The following SLC23A2 variants were observed in gnomAD, a reference collection of about 807,000 sequenced individuals.
SLC23A2 encodes the protein Na(+)/L-ascorbic acid transporter 2.
In SLC23A2, 36 loss-of-function variants were observed where a neutral mutation model predicts 73.3. The ratio of observed to expected loss-of-function variants is 0.49; its 90% CI spans 0.38 to 0.65. The LOEUF is 0.65. Among genes scored for constraint, SLC23A2 ranks in the 30% least tolerant of loss-of-function variants. SLC23A2 has a pLI of 0.00. For missense variants in SLC23A2, 507 were observed against 841.6 expected (o/e 0.60, Z 4.92); for synonymous variants, 343 against 327.3 (o/e 1.05, Z -0.52).
At chr20:5,001,743 C>T (rs1288195580), upstream of SLC23A2, among the ~76,000 whole-genome samples, 3 of 151,838 alleles carry the variant, frequency 2.0e-5, no homozygotes, top group Admixed American at 1.3e-4. Flanking sequence ...CCCCCCTTCG[C>T]GACCCTTCCC....
intron 2 of SLC23A2, among the ~76,000 whole-genome samples, chr20:4,956,182 A>C (rs1333581151): frequency 1.3e-5 from 2 of 152,214 alleles, no homozygotes; most frequent in African/African-American, 4.8e-5. Context: ...TAAAATCTAA[A>C]ATGTGTTTTT....
intron 1 of SLC23A2, among the ~76,000 whole-genome samples, chr20:4,987,448 CA>C (rs1182776435): frequency 6.6e-6 from 1 of 152,078 alleles, no homozygotes; most frequent in East Asian, 1.9e-4. Context: ...TTCAAATCAG[CA>C]GGGAAACAAA....
chr20:4,864,704 G>T (rs899037935), intron 13 of SLC23A2, among the ~76,000 whole-genome samples: 3 of 152,210 alleles, frequency 2.0e-5, no homozygotes, highest in African/African-American at 4.8e-5. Context: ...CTGCTATGCT[G>T]TTCTGCTGTT....
intron 1 of SLC23A2, among the ~76,000 whole-genome samples, chr20:4,977,918 T>C (rs1226777433): frequency 4.6e-5 from 7 of 152,048 alleles, no homozygotes; most frequent in Non-Finnish European, 5.9e-5. Context: ...GCTCAATGCC[T>C]AAGTTGTACT....
chr20:4,874,140 T>C, intron 10 of SLC23A2, 48 bp from the exon 11 acceptor site: 4 of 1,579,460 alleles, frequency 2.5e-6, no homozygotes, highest in Non-Finnish European at 3.4e-6. Flanking sequence ...GGCTCACAGG[T>C]GTTGGCAAAA....
chr20:4,875,914 C>G (rs981962888), intron 9 of SLC23A2, among the ~76,000 whole-genome samples: 1 of 152,182 alleles, frequency 6.6e-6, no homozygotes, highest in Non-Finnish European at 1.5e-5. Context: ...GACAGCCGGT[C>G]AAGTGTGACT....
intron 4 of SLC23A2, among the ~76,000 whole-genome samples, chr20:4,903,970 A>G (rs183999041): frequency 6.6e-6 from 1 of 152,202 alleles, no homozygotes; most frequent in East Asian, 1.9e-4. Context: ...GTGGGGGATA[A>G]CCTGAGCTCT....
At chr20:4,875,623 C>A (rs892996420) in intron 9 of SLC23A2, among the ~76,000 whole-genome samples, 1 of 152,194 alleles carries the variant, frequency 6.6e-6, no homozygotes, top group Non-Finnish European at 1.5e-5. Context: ...GACCCCTCCA[C>A]GGCAGGACCA....
chr20:4,900,024 C>A (rs1178226740), intron 5 of SLC23A2, among the ~76,000 whole-genome samples: 1 of 152,206 alleles, frequency 6.6e-6, no homozygotes, highest in Non-Finnish European at 1.5e-5. Flanking sequence ...GGGCGCACCA[C>A]CACGCCCAGC....
intron 3 of SLC23A2, among the ~76,000 whole-genome samples, chr20:4,929,177 G>T (rs1344261571): frequency 6.6e-6 from 1 of 151,546 alleles, no homozygotes; most frequent in Non-Finnish European, 1.5e-5. Context: ...GAGGTGGGAG[G>T]ATCACCTGAG....
chr20:4,958,827 TCATC>T (rs1337318568), intron 2 of SLC23A2, among the ~76,000 whole-genome samples: 1 of 152,166 alleles, frequency 6.6e-6, no homozygotes, highest in Admixed American at 6.5e-5. Context: ...GAAAAAAAGA[TCATC>T]CAAGAGCAAG....
chr20:4,873,966 C>T lies in SLC23A2; in HGVS notation c.1072G>A (p.Val358Ile). The part of the protein sequence containing the change: ...RTDARQGVLL[V>I]APWFKVPYPF... ...TATGGAACCTTAAACCACGGGGCTACCAGAAGCACGCCTTGCCTGGCATCT... is the reference window on the plus strand; with the variant it reads ...TATGGAACCTTAAACCACGGGGCTATCAGAAGCACGCCTTGCCTGGCATCT... The change falls in exon 11 of 17, where the codon GTA (valine) becomes ATA (isoleucine). Residue 358 changes from valine to isoleucine, a missense_variant. By Grantham distance (29) the Val-to-Ile change is conservative. Coordinates refer to ENST00000338244, the MANE Select transcript of SLC23A2 (RefSeq NM_005116.6). 1 of 1,614,094 alleles carries T rather than the reference C, an allele frequency of 6.2e-7. No individual in the cohort carries two copies. The highest frequency in any genetic ancestry group is 1.3e-5 in the African/African-American group (1 of 75,030).
At chr20:5,005,095 C>T (rs183181611), upstream of SLC23A2, among the ~76,000 whole-genome samples, 36 of 151,076 alleles carry the variant, frequency 2.4e-4, no homozygotes, top group African/African-American at 8.7e-4. Flanking sequence ...CATTCAAGGC[C>T]CTTAATCTCT....
At chr20:4,910,162 C>T (rs1932090281) in intron 4 of SLC23A2, among the ~76,000 whole-genome samples, 1 of 152,046 alleles carries the variant, frequency 6.6e-6, no homozygotes. Flanking sequence ...CACCTGAGGT[C>T]AGGAGTTTGA....
At chr20:4,887,091 A>G (rs796483822) in intron 6 of SLC23A2, among the ~76,000 whole-genome samples, 7 of 152,310 alleles carry the variant, frequency 4.6e-5, no homozygotes, top group African/African-American at 1.7e-4. Context: ...CCAGAGTAGG[A>G]AGGGTGCTGG....
rs780135308 is a variant in SLC23A2, at chr20:4,874,004, A to G, written c.1034T>C (p.Phe345Ser). 4 of 1,614,168 alleles carry G rather than the reference A, an allele frequency of 2.5e-6. No individual in the cohort carries two copies. Among genetic ancestry groups the G allele is most frequent in the Non-Finnish European group, 2.5e-6 (3 of 1,180,014 alleles). The change falls in exon 11 of 17, where the codon TTC becomes TCC. Residue 345 changes from phenylalanine to serine, a missense_variant. Physicochemically the swap from Phe to Ser is radical, Grantham distance 155. Transcript: ENST00000338244. ...VFPPDSTKYG[F>S]YARTDARQGV... ...TTGCCTGGCATCTGTGCGAGCATAG[A>G]AGCCATACTTTGTGCTGTCGGGAGG... is the stretch of plus-strand genomic sequence containing the variant.
intron 13 of SLC23A2, among the ~76,000 whole-genome samples, chr20:4,864,389 A>C (rs542421687): frequency 4.6e-5 from 7 of 152,292 alleles, no homozygotes; most frequent in Admixed American, 4.6e-4. Flanking sequence ...GCCTGATCTG[A>C]GGCTGTGCAC....
At chr20:4,919,048 A>G (rs560864054) in intron 3 of SLC23A2, among the ~76,000 whole-genome samples, 20 of 152,334 alleles carry the variant, frequency 1.3e-4, no homozygotes, top group Admixed American at 7.8e-4. Context: ...TACTATGAAC[A>G]TGAAAACTTT....
Position 4,857,038 on chromosome 20 carries a change from T to C in SLC23A2, c.1887A>G (p.Thr629=), listed in dbSNP as rs755202318. ...LPISPTFVGY[T]WKGLRKSDNS... is the part of the protein sequence containing the mutation. ...TGTCGCTCTTCCTGAGGCCTTTCCA[T>C]GTGTAGCCCACAAAGGTTGGGCTGA... Residue 629 remains threonine, a synonymous_variant, in exon 17 of 17, where the codon ACA becomes ACG. Coordinates refer to ENST00000338244, the MANE Select transcript of SLC23A2 (RefSeq NM_005116.6). The surrounding 1 kb of genome is among the most constrained non-coding windows in gnomAD (Gnocchi z 4.0). 11 of 1,613,998 alleles carry C rather than the reference T, an allele frequency of 6.8e-6. No homozygotes were observed. The highest frequency in any genetic ancestry group is 9.3e-6 in the Non-Finnish European group (11 of 1,180,006).
Sources: gnomAD v4.1 joint callset for allele counts (sites outside exome capture counted in the v4.1 genomes callset) on GRCh38, gnomAD v4.1.1 for gene constraint, Gnocchi (gnomAD v3.1) non-coding constraint, MANE v1.5 for transcripts, NCBI Gene and HGNC (gene_info 2026-07-23, HGNC 2026-07-21) for gene names.